Variants in EIF4G3 observed in about 807,000 individuals in gnomAD.
EIF4G3 encodes eukaryotic translation initiation factor 4 gamma 3, also known as eIF-4-gamma 3.
In EIF4G3, 34 loss-of-function variants were observed where a neutral mutation model predicts 186.4. That is an observed-to-expected ratio of 0.18 (90% CI 0.14 to 0.24). The LOEUF (loss-of-function observed/expected upper bound fraction) is 0.24, where lower values mean the gene tolerates loss of function less well. Among genes scored for constraint, EIF4G3 ranks in the 10% least tolerant of loss-of-function variants. The probability of loss-of-function intolerance (pLI) is 1.00; values close to 1 mark genes in which losing one functional copy is unlikely to be tolerated. For synonymous variants in EIF4G3, 673 were observed against 679.5 expected (o/e 0.99, Z 0.15); for missense variants, 1,536 against 1,948.5 (o/e 0.79, Z 3.99).
intron 4 of EIF4G3, among the ~76,000 whole-genome samples, chr1:21,009,132 TTC>T (rs2086200338): frequency 6.6e-6 from 1 of 152,224 alleles, no homozygotes; most frequent in South Asian, 2.1e-4. Context: ...GCTTTAAAAT[TTC>T]TCTTTATAAA....
At chr1:21,035,277 G>A (rs942129790) in intron 4 of EIF4G3, among the ~76,000 whole-genome samples, 1 of 152,242 alleles carries the variant, frequency 6.6e-6, no homozygotes, top group African/African-American at 2.4e-5. Context: ...GCTATGGGAA[G>A]ACACAGAGAA....
intron 4 of EIF4G3, among the ~76,000 whole-genome samples, chr1:21,005,769 A>G (rs1446031588): frequency 6.6e-6 from 1 of 152,144 alleles, no homozygotes; most frequent in African/African-American, 2.4e-5. Flanking sequence ...CTTTTTCCAG[A>G]TTATATCATT....
chr1:20,889,572 C>T (rs1441186884), intron 18 of EIF4G3, among the ~76,000 whole-genome samples: 6 of 152,174 alleles, frequency 3.9e-5, no homozygotes, highest in African/African-American at 1.2e-4. Context: ...TCTCGGCTCA[C>T]TATAAGCTCC....
intron 18 of EIF4G3, chr1:20,892,641 G>A (rs556404697): frequency 2.0e-5 from 31 of 1,535,724 alleles, no homozygotes; most frequent in Non-Finnish European, 2.7e-5. Flanking sequence ...GCTCTTCATG[G>A]GTGGGTGTGA....
chr1:20,861,392 A>C (rs1054350485), intron 23 of EIF4G3, among the ~76,000 whole-genome samples: 33 of 152,182 alleles, frequency 2.2e-4, no homozygotes, highest in Non-Finnish European at 4.1e-4. Flanking sequence ...GAAAAACAAA[A>C]AAACAAAAAA....
rs762390700 is a variant in EIF4G3 at position 20,855,069 on chromosome 1, A to G, written c.3342T>C (p.Pro1114=). ...DPSKFLKITK[P]TIDEKIQLVP... is the part of the protein sequence containing the mutation. ...CCAGCTGAATTTTTTCATCAATTGT[A>G]GGCTGTAACATAAGGGACCACAAGT... Residue 1114 remains proline (P), a splice_region_variant and synonymous_variant, in exon 26 of 37, where the codon CCT becomes CCC. Coordinates refer to ENST00000602326, the MANE Select transcript of EIF4G3 (RefSeq NM_001391906.1). The G allele has an allele frequency of 6.2e-6, 10 of 1,605,934 alleles. No homozygotes were observed. The highest frequency in any genetic ancestry group is 8.5e-6 in the Non-Finnish European group (10 of 1,174,740).
chr1:21,115,828 T>C (rs1264992436), intron 2 of EIF4G3, among the ~76,000 whole-genome samples: 1 of 152,194 alleles, frequency 6.6e-6, no homozygotes, highest in Non-Finnish European at 1.5e-5. Flanking sequence ...ACGGTCCTCC[T>C]GCCTCAGTCT....
chr1:20,981,550 G>A lies in EIF4G3; in HGVS notation c.199-323C>T, dbSNP rs199900495. On this transcript the variant is annotated intron_variant, in intron 8 of 36. Transcript: ENST00000602326. ...ATACATGTATACGCACATACTGTATGTATACATACATACATGTATACGCAC... is the reference window on the plus strand; with the variant it reads ...ATACATGTATACGCACATACTGTATATATACATACATACATGTATACGCAC... 7.6e-4 allele frequency among the ~76,000 whole-genome samples: 86 copies of A among 112,720 alleles called. 2 individuals are homozygous for A. Among genetic ancestry groups the A allele is most frequent in the African/African-American group, 3.9e-3 (77 of 19,884 alleles). 73.9% of individuals were successfully genotyped at this position (112,720 alleles called of 152,430 possible).
intron 3 of EIF4G3, among the ~76,000 whole-genome samples, chr1:21,074,556 A>C (rs531022141): frequency 3.2e-4 from 48 of 152,166 alleles, no homozygotes; most frequent in Non-Finnish European, 6.5e-4. Context: ...TATATACATA[A>C]ATCTTCTTAC....
chr1:20,833,347 C>A (rs1571301651), intron 30 of EIF4G3, among the ~76,000 whole-genome samples: 1 of 152,020 alleles, frequency 6.6e-6, no homozygotes, highest in Admixed American at 6.5e-5. Context: ...AGTTGGATTC[C>A]TAGGTATTTT....
chr1:21,167,662 G>A (rs1191876242), intron 2 of EIF4G3, among the ~76,000 whole-genome samples: 1 of 152,172 alleles, frequency 6.6e-6, no homozygotes, highest in Non-Finnish European at 1.5e-5. Context: ...GGAGGCTGAG[G>A]CAGGGGAACC....
intron 3 of EIF4G3, among the ~76,000 whole-genome samples, chr1:21,070,444 A>G (rs1437845429): frequency 1.3e-5 from 2 of 152,312 alleles, no homozygotes; most frequent in Non-Finnish European, 2.9e-5. Context: ...ACACAATAAT[A>G]AATATTCAAT....
At position 20,943,974 on chromosome 1, in the gene EIF4G3, T is replaced by TTG. The variant is rs1163268356; in HGVS notation, c.824-1646_824-1645dup. Among the ~76,000 whole-genome samples, 100 of 62,524 alleles carry TTG rather than the reference T, an allele frequency of 1.6e-3. 1 individual carries two copies. The highest frequency in any genetic ancestry group is 5.1e-3 in the African/African-American group (93 of 18,282). 41.0% of individuals were successfully genotyped at this position (62,524 alleles called of 152,430 possible). On this transcript the variant is annotated intron_variant, in intron 13 of 36. Coordinates refer to ENST00000602326, the MANE Select transcript of EIF4G3 (RefSeq NM_001391906.1). ...TCAGGAAAACTTGTCTTTATTTTTTTTGTGTGTGTGTGTGTGTGTGTGTGT... is the reference window on the plus strand; with the variant it reads ...TCAGGAAAACTTGTCTTTATTTTTTTTGTGTGTGTGTGTGTGTGTGTGTGTGT...
At chr1:21,111,583 T>C (rs1237749284) in intron 2 of EIF4G3, 5 of 279,570 alleles carry the variant, frequency 1.8e-5, no homozygotes, top group Non-Finnish European at 3.6e-5. Context: ...CTTTAGAGCT[T>C]AGAAAAGCTA....
At chr1:21,129,420 T>C (rs2097111562) in intron 2 of EIF4G3, among the ~76,000 whole-genome samples, 1 of 152,066 alleles carries the variant, frequency 6.6e-6, no homozygotes. Context: ...ACTTGGTAAG[T>C]ACGACATTCA....
chr1:20,901,794 C>A (rs1287491789), intron 15 of EIF4G3, among the ~76,000 whole-genome samples: 2 of 151,824 alleles, frequency 1.3e-5, no homozygotes, highest in Non-Finnish European at 2.9e-5. Flanking sequence ...CTGTACAGTT[C>A]CTAAATTGTT....
intron 4 of EIF4G3, among the ~76,000 whole-genome samples, chr1:21,038,130 G>C (rs957059550): frequency 1.3e-5 from 2 of 152,118 alleles, no homozygotes; most frequent in African/African-American, 4.8e-5. Context: ...ATGGCTTTCT[G>C]CCCCTCAGAA....
At chr1:21,068,375 T>TAAAAAAA (rs869306512) in intron 3 of EIF4G3, among the ~76,000 whole-genome samples, 1,118 of 67,462 alleles carry the variant, frequency 0.017, 6 homozygotes, top group Non-Finnish European at 0.02. Flanking sequence ...ACTCTGTCTT[T>TAAAAAAA]AAAAAAAAAA....
intron 3 of EIF4G3, among the ~76,000 whole-genome samples, chr1:21,058,930 C>T (rs2094728590): frequency 6.7e-6 from 1 of 149,620 alleles, no homozygotes; most frequent in Admixed American, 6.7e-5. Context: ...CAGGCATTGA[C>T]TGAATAGATA....
Sources: allele counts gnomAD v4.1 joint callset (sites outside exome capture counted in the v4.1 genomes callset), GRCh38; gene constraint gnomAD v4.1.1; transcripts MANE v1.5; gene names NCBI Gene and HGNC (gene_info 2026-07-23, HGNC 2026-07-21).